The following SLC28A1 variants were observed in gnomAD, a reference collection of about 807,000 sequenced individuals.
SLC28A1 encodes the protein sodium/nucleoside cotransporter 1.
SLC28A1 carries 64 observed loss-of-function variants against 74.8 expected under a neutral mutation model. The observed-to-expected ratio is 0.86, with a 90% CI of 0.70 to 1.05. The LOEUF (loss-of-function observed/expected upper bound fraction) is 1.05. SLC28A1 is among the 50% of genes least tolerant of loss of function. The probability of loss-of-function intolerance (pLI) is 0.00; values close to 1 mark genes in which losing one functional copy is unlikely to be tolerated. For missense variants in SLC28A1, 828 were observed against 822.8 expected, an observed-to-expected ratio of 1.01 and a Z score of -0.08; for synonymous variants, 359 against 335.0, an observed-to-expected ratio of 1.07 and a Z score of -0.78.
At chr15:84,965,387 G>A in the SLC28A1 span, among the ~76,000 whole-genome samples, 1 of 152,164 alleles carries the variant, frequency 6.6e-6, no homozygotes, top group Non-Finnish European at 1.5e-5. Context: ...GTATGAGAAT[G>A]GACTAATACA....
chr15:84,956,442 C>CCTTCCTTTCTTTCTTTCTTT, the SLC28A1 span, among the ~76,000 whole-genome samples: 2 of 124,656 alleles, frequency 1.6e-5, no homozygotes, highest in African/African-American at 6.7e-5. Context: ...TTCCTTCCTT[C>CCTTCCTTTCTTTCTTTCTTT]CTTTCTTTCT....
In SLC28A1 at chr15:84,899,953, A is replaced by G. The variant is rs1966449198; in HGVS notation, c.462-4144A>G. Among the ~76,000 whole-genome samples, 6 of 136,710 alleles carry G rather than the reference A, an allele frequency of 4.4e-5. No individual in the cohort carries two copies. In the South Asian group the frequency reaches 1.3e-3, roughly 29 times the overall value. 89.7% of individuals were successfully genotyped at this position (136,710 alleles called of 152,430 possible). On this transcript the variant is annotated intron_variant, in intron 6 of 18. Coordinates refer to ENST00000394573, the MANE Select transcript of SLC28A1 (RefSeq NM_004213.5). ...AAAGAAAGAAAGAAAGGAAGGAAGG[A>G]AGGAAGGAAGGAAAGAAGGAAGGAA...
At chr15:84,966,536 C>T in the SLC28A1 span, among the ~76,000 whole-genome samples, 1 of 152,012 alleles carries the variant, frequency 6.6e-6, no homozygotes, top group Non-Finnish European at 1.5e-5. Context: ...AAGCAATCCA[C>T]CTGAATTAGT....
At chr15:84,899,781 T>C (rs1006158573) in intron 6 of SLC28A1, among the ~76,000 whole-genome samples, 1 of 152,146 alleles carries the variant, frequency 6.6e-6, no homozygotes, top group Non-Finnish European at 1.5e-5. Context: ...TAGTCCCAGC[T>C]GCTTGGGAAG....
chr15:84,931,999 C>T (rs992164893), intron 12 of SLC28A1, among the ~76,000 whole-genome samples: 6 of 117,068 alleles, frequency 5.1e-5, no homozygotes, highest in African/African-American at 1.9e-4. Flanking sequence ...AAGACTCTGT[C>T]TTGGAAAAAA....
chr15:84,968,593 C>T, the SLC28A1 span, among the ~76,000 whole-genome samples: 1 of 152,312 alleles, frequency 6.6e-6, no homozygotes, highest in South Asian at 2.1e-4. Flanking sequence ...CTTCTGCAGT[C>T]TCCTATTGGT....
At chr15:84,935,962 T>TG (rs1567182554) in intron 15 of SLC28A1, among the ~76,000 whole-genome samples, 1 of 141,436 alleles carries the variant, frequency 7.1e-6, no homozygotes, top group Non-Finnish European at 1.5e-5. Context: ...TTTTTTTTTT[T>TG]TTTTTTTTTT....
At chr15:84,946,606 G>A (rs1339702336), downstream of SLC28A1, among the ~76,000 whole-genome samples, 1 of 152,110 alleles carries the variant, frequency 6.6e-6, no homozygotes, top group East Asian at 1.9e-4. Flanking sequence ...TCTGAGGGGA[G>A]CCCCTCCTCA....
At chr15:84,965,653 T>C in the SLC28A1 span, among the ~76,000 whole-genome samples, 1 of 152,282 alleles carries the variant, frequency 6.6e-6, no homozygotes, top group East Asian at 1.9e-4. Context: ...GAGAGGGCCA[T>C]GCACTTCTTC....
At chr15:84,952,454 A>G in the SLC28A1 span, among the ~76,000 whole-genome samples, 6 of 152,166 alleles carry the variant, frequency 3.9e-5, no homozygotes, top group Admixed American at 3.9e-4. Flanking sequence ...CAATGACTCC[A>G]TGTGCTTCAG....
At chr15:84,922,334 C>T (rs1969925080) in intron 11 of SLC28A1, among the ~76,000 whole-genome samples, 1 of 152,198 alleles carries the variant, frequency 6.6e-6, no homozygotes, top group South Asian at 2.1e-4. Flanking sequence ...ACAACCTGAA[C>T]TGTTGCTCCC....
At chr15:84,914,783 C>T (rs1038984548) in intron 9 of SLC28A1, among the ~76,000 whole-genome samples, 2 of 152,154 alleles carry the variant, frequency 1.3e-5, no homozygotes, top group African/African-American at 4.8e-5. Flanking sequence ...GTTTCCTGGG[C>T]TGTAAGATGA....
At chr15:84,951,073 A>G in the SLC28A1 span, among the ~76,000 whole-genome samples, 1 of 152,158 alleles carries the variant, frequency 6.6e-6, no homozygotes, top group Non-Finnish European at 1.5e-5. Context: ...TTTTTGCTCC[A>G]TGCTAGTTGG....
chr15:84,926,912 T>C (rs1359340744), intron 12 of SLC28A1, among the ~76,000 whole-genome samples: 1 of 152,002 alleles, frequency 6.6e-6, no homozygotes, highest in African/African-American at 2.4e-5. Flanking sequence ...TGATGAGAGA[T>C]GGGTGAACAA....
chr15:84,967,384 A>C, the SLC28A1 span, among the ~76,000 whole-genome samples: 1 of 152,160 alleles, frequency 6.6e-6, no homozygotes, highest in Admixed American at 6.5e-5. Flanking sequence ...CGCTTCTTTT[A>C]GCAAAAGGGT....
At position 84,905,621 on chromosome 15, in the gene SLC28A1, T is replaced by C. The variant is rs781164267; in HGVS notation, c.686T>C (p.Ile229Thr). The change falls in exon 8 of 19, where the codon ATT becomes ACT. Residue 229 changes from isoleucine to threonine, a missense_variant. Physicochemically the swap from Ile to Thr is moderately conservative, Grantham distance 89. This residue lies in a region of SLC28A1 where 767 missense variants were observed against 753.5 expected (regional missense o/e 1.02). Coordinates refer to ENST00000394573, the MANE Select transcript of SLC28A1 (RefSeq NM_004213.5). ...GTCATCAGAACAGAACCAGGATTCA[T>C]TGCGTTCGAGTGGCTGGGCGAGCAG... ...LLVIRTEPGF[I>T]AFEWLGEQIR... 44 of 1,613,898 alleles carry C rather than the reference T, an allele frequency of 2.7e-5. No homozygotes were observed. The highest frequency in any genetic ancestry group is 3.6e-5 in the Non-Finnish European group (42 of 1,179,920).
At chr15:84,974,564 G>C in the SLC28A1 span, among the ~76,000 whole-genome samples, 5 of 152,216 alleles carry the variant, frequency 3.3e-5, no homozygotes, top group Admixed American at 2.6e-4. Flanking sequence ...CCAAAGCTAT[G>C]GTGGGATTGT....
chr15:84,886,152 G>A (rs1964578218), intron 1 of SLC28A1: 1 of 985,222 alleles, frequency 1.0e-6, no homozygotes. Flanking sequence ...TAACAAAGAT[G>A]AAATGAAGGG....
At position 84,935,163 on chromosome 15, in the gene SLC28A1, A is replaced by C. The variant is rs556287713; in HGVS notation, c.1352A>C (p.Asp451Ala). The C allele has an allele frequency of 1.2e-5, 20 of 1,613,770 alleles. No homozygotes were observed. In the African/African-American group the frequency reaches 1.6e-4, roughly 13 times the overall value. ...AATGCTGCCCTCTCCTGGCTGGGAG[A>C]CATGGTGGACATCCAAGGGCTCAGC... is the stretch of plus-strand genomic sequence containing the variant. Reference protein sequence around the residue: ...FINAALSWLGDMVDIQGLSFQ... With the variant: ...FINAALSWLGAMVDIQGLSFQ... Residue 451 changes from aspartate (D) to alanine (A), a missense_variant, in exon 14 of 19, where the codon GAC (aspartate) becomes GCC (alanine). Physicochemically the swap from Asp to Ala is moderately radical, Grantham distance 126 (BLOSUM62 -2). Transcript: ENST00000394573.
Sources: allele counts gnomAD v4.1 joint callset (sites outside exome capture counted in the v4.1 genomes callset), GRCh38; gene constraint gnomAD v4.1.1; regional missense constraint gnomAD v4.1.1; transcripts MANE v1.5; gene names NCBI Gene and HGNC (gene_info 2026-07-23, HGNC 2026-07-21).